Variants in PPP2R5C observed in about 807,000 individuals in gnomAD.
PPP2R5C encodes serine/threonine-protein phosphatase 2A 56 kDa regulatory subunit gamma isoform.
Under a neutral mutation model 68.9 loss-of-function variants are expected in PPP2R5C, and 7 were observed. The ratio of observed to expected loss-of-function variants is 0.10; its 90% CI spans 0.06 to 0.19. The LOEUF (loss-of-function observed/expected upper bound fraction) is 0.19. Ranked by LOEUF, PPP2R5C falls within the 10% of genes least tolerant of loss-of-function variation. PPP2R5C has a pLI of 1.00. For synonymous variants in PPP2R5C, 210 were observed against 222.2 expected (o/e 0.95, Z 0.49); for missense variants, 348 against 641.3 (o/e 0.54, Z 4.94).
rs142584330 is a variant in PPP2R5C at position 101,780,182 on chromosome 14, A to G, written c.94-5836A>G. On this transcript the variant is annotated intron_variant, in intron 2 of 14. Transcript: ENST00000328724. ...GAACGTGATTGCCTCACCTAAAAAT[A>G]TTAACTGCAATTCCTTACTCTCAGG... 2.4e-3 allele frequency among the ~76,000 whole-genome samples: 363 copies of G among 152,288 alleles called. 3 individuals carry two copies. Among genetic ancestry groups the G allele is most frequent in the Middle Eastern group, 0.014 (4 of 294 alleles).
At chr14:101,828,344 T>G (rs923248546) in intron 1 of PPP2R5C, among the ~76,000 whole-genome samples, 10 of 152,164 alleles carry the variant, frequency 6.6e-5, no homozygotes, top group African/African-American at 1.2e-4. Flanking sequence ...ACATTGTAAA[T>G]GCACTAAATG....
intron 3 of PPP2R5C, among the ~76,000 whole-genome samples, chr14:101,792,744 G>C: frequency 6.6e-6 from 1 of 152,016 alleles, no homozygotes; most frequent in Non-Finnish European, 1.5e-5. Context: ...AGGGTAGCTC[G>C]TGTGTTTTTT....
In PPP2R5C at chr14:101,917,528, C is replaced by T. The variant is rs2046747443; in HGVS notation, c.1327-303C>T. On this transcript the variant is annotated intron_variant, in intron 12 of 13. Transcript: ENST00000334743. This position sits in a 1 kb window ranked among gnomAD's most constrained non-coding sequence, Gnocchi z 4.4. ...GGGTGCGACCTCGCACTTGGCTGCT[C>T]ACGTGGAGTCAGAACTGCAGAGGCC... Among the ~76,000 whole-genome samples the T allele has an allele frequency of 6.6e-6, 1 of 151,926 alleles. No individual in the cohort carries two copies. The highest frequency in any genetic ancestry group is 1.5e-5 in the Non-Finnish European group (1 of 67,996).
At chr14:101,816,690 G>C (rs1341330963) in intron 1 of PPP2R5C, among the ~76,000 whole-genome samples, 3 of 151,662 alleles carry the variant, frequency 2.0e-5, no homozygotes, top group African/African-American at 7.3e-5. Flanking sequence ...ATAAGTGAAG[G>C]ATCGTGATCT....
At chr14:101,847,815 A>G (rs1335458329) in intron 1 of PPP2R5C, among the ~76,000 whole-genome samples, 1 of 152,016 alleles carries the variant, frequency 6.6e-6, no homozygotes, top group African/African-American at 2.4e-5. Flanking sequence ...GGCACATGCC[A>G]CCACACCCAG....
intron 1 of PPP2R5C, among the ~76,000 whole-genome samples, chr14:101,837,029 C>CT (rs2041149005): frequency 6.6e-6 from 1 of 152,214 alleles, no homozygotes; most frequent in African/African-American, 2.4e-5. Flanking sequence ...TTCTTGGCCC[C>CT]TCACAGGTCA....
At chr14:101,836,037 G>A in intron 1 of PPP2R5C, 1 of 597,108 alleles carries the variant, frequency 1.7e-6, no homozygotes. Context: ...AAAATAGTAG[G>A]AAACACTAGT....
At chr14:101,901,015 G>A (rs2045655611) in intron 8 of PPP2R5C, among the ~76,000 whole-genome samples, 1 of 152,248 alleles carries the variant, frequency 6.6e-6, no homozygotes, top group South Asian at 2.1e-4. Context: ...AATAAGGTCA[G>A]CTTAATTCAC....
At chr14:101,770,241 A>C (rs761815151) in intron 2 of PPP2R5C, among the ~76,000 whole-genome samples, 7 of 152,206 alleles carry the variant, frequency 4.6e-5, no homozygotes, top group Non-Finnish European at 2.9e-5. Flanking sequence ...GCATAGCTAC[A>C]TATATATTTA....
intron 1 of PPP2R5C, among the ~76,000 whole-genome samples, chr14:101,844,489 A>T (rs1238468037): frequency 6.6e-6 from 1 of 152,164 alleles, no homozygotes; most frequent in Admixed American, 6.5e-5. Flanking sequence ...CCTGGCACAC[A>T]GGCCGCATGC....
chr14:101,841,626 G>A (rs1025252673), intron 1 of PPP2R5C, among the ~76,000 whole-genome samples: 2 of 152,238 alleles, frequency 1.3e-5, no homozygotes, highest in African/African-American at 2.4e-5. Context: ...GGTTGCCCAC[G>A]GTCACTGTGG....
chr14:101,846,061 C>T (rs896371757), intron 1 of PPP2R5C, among the ~76,000 whole-genome samples: 3 of 152,234 alleles, frequency 2.0e-5, no homozygotes, highest in African/African-American at 7.2e-5. Context: ...TGCACCACCT[C>T]TCCGGGTTTC....
intron 1 of PPP2R5C, among the ~76,000 whole-genome samples, chr14:101,842,808 A>AT (rs571898556): frequency 2.5e-4 from 26 of 104,936 alleles, no homozygotes; most frequent in Middle Eastern, 5.0e-3. Flanking sequence ...TTTCGCATGT[A>AT]TTTTTTTTAT....
rs1050987056 is a variant in PPP2R5C, at chr14:101,916,934, G to A, written c.1327-897G>A. ...ATGTCCCAGTTCCCCCATCAGCCAG[G>A]TGAGGGTGGCAGTACACACACACGA... is the stretch of plus-strand genomic sequence containing the variant. On this transcript the variant is annotated intron_variant, in intron 12 of 13. Coordinates refer to ENST00000334743, the Ensembl canonical transcript of PPP2R5C. This position sits in a 1 kb window ranked among gnomAD's most constrained non-coding sequence, Gnocchi z 5.5. Among the ~76,000 whole-genome samples the A allele has an allele frequency of 1.3e-5, 2 of 152,086 alleles. No individual in the cohort carries two copies. Among genetic ancestry groups the A allele is most frequent in the African/African-American group, 4.8e-5 (2 of 41,404 alleles).
intron 2 of PPP2R5C, among the ~76,000 whole-genome samples, chr14:101,866,416 C>A (rs2043070898): frequency 6.6e-6 from 1 of 152,208 alleles, no homozygotes; most frequent in African/African-American, 2.4e-5. Context: ...GTGGCACCAT[C>A]CACACCACAG....
At position 101,883,102 on chromosome 14, in the gene PPP2R5C, T is replaced by TTAAA. The variant is rs2044262152; in HGVS notation, c.406-154_406-153insAAAT. On this transcript the variant is annotated intron_variant, in intron 3 of 13. Transcript: ENST00000334743. ...AAATAATTACCATCACCATTTATCATTGAATTAAGCCATGTAATTTAGCAT... is the reference window on the plus strand; with the variant it reads ...AAATAATTACCATCACCATTTATCATTAAATGAATTAAGCCATGTAATTTAGCAT... The TTAAA allele has an allele frequency of 3.5e-5, 21 of 596,736 alleles. No homozygotes were observed. The Admixed American group carries it at 6.7e-4, about 19-fold the overall frequency. The allele number at this position is 596,736 out of a possible 1,614,324, so 37.0% of individuals were successfully genotyped here. A position where few individuals can be genotyped will look rare whatever the true frequency, so the allele number is the denominator to read the frequency against.
At chr14:101,822,172 G>A (rs932162402) in intron 1 of PPP2R5C, among the ~76,000 whole-genome samples, 1 of 144,138 alleles carries the variant, frequency 6.9e-6, no homozygotes, top group African/African-American at 2.6e-5. Context: ...AGGCCTAATA[G>A]TGTCACTAGT....
chr14:101,852,004 G>A (rs932524594), intron 1 of PPP2R5C, among the ~76,000 whole-genome samples: 1 of 152,050 alleles, frequency 6.6e-6, no homozygotes, highest in African/African-American at 2.4e-5. Context: ...TGTGGTATTC[G>A]CCGTTTAGGA....
chr14:101,840,437 T>G (rs1024004478), intron 1 of PPP2R5C, among the ~76,000 whole-genome samples: 2 of 145,458 alleles, frequency 1.4e-5, no homozygotes, highest in African/African-American at 5.2e-5. Context: ...GGTTTTTATC[T>G]TCTTACCCAT....
Sources: allele counts gnomAD v4.1 joint callset (sites outside exome capture counted in the v4.1 genomes callset), GRCh38; gene constraint gnomAD v4.1.1; non-coding constraint Gnocchi (gnomAD v3.1); transcripts MANE v1.5; gene names NCBI Gene and HGNC (gene_info 2026-07-23, HGNC 2026-07-21).